Variants in CDH13 observed in about 807,000 individuals in gnomAD.
CDH13 encodes cadherin-13.
In CDH13, 24 loss-of-function variants were observed where a neutral mutation model predicts 63.8. The observed-to-expected ratio is 0.38, with a 90% CI of 0.27 to 0.53. The LOEUF is 0.53. Among genes scored for constraint, CDH13 ranks in the 20% least tolerant of loss-of-function variants. The probability of loss-of-function intolerance (pLI) is 0.85; values close to 1 mark genes in which losing one functional copy is unlikely to be tolerated. For missense variants in CDH13, 1,049 were observed against 903.1 expected (o/e 1.16, Z -2.07); for synonymous variants, 503 against 355.3 (o/e 1.42, Z -4.67).
intron 3 of CDH13, among the ~76,000 whole-genome samples, chr16:83,121,238 T>C (rs1233453108): frequency 6.6e-6 from 1 of 152,236 alleles, no homozygotes; most frequent in South Asian, 2.1e-4. Context: ...GTCTCTTTCA[T>C]TGAGATTTTA....
intron 1 of CDH13, among the ~76,000 whole-genome samples, chr16:82,751,198 G>A (rs891603376): frequency 2.0e-5 from 3 of 152,228 alleles, no homozygotes; most frequent in Admixed American, 6.5e-5. Context: ...TTACAGAGAA[G>A]GGCAGATTCA....
At chr16:83,169,043 A>C (rs1159658339) in intron 4 of CDH13, among the ~76,000 whole-genome samples, 2 of 152,156 alleles carry the variant, frequency 1.3e-5, no homozygotes, top group African/African-American at 4.8e-5. Context: ...TGAAATTTGT[A>C]TTGAATAACT....
intron 1 of CDH13, among the ~76,000 whole-genome samples, chr16:82,680,663 A>T (rs1376105394): frequency 6.6e-6 from 1 of 152,208 alleles, no homozygotes; most frequent in Non-Finnish European, 1.5e-5. Context: ...CACAAGCTGG[A>T]ATAATATGAA....
At chr16:82,947,625 A>G (rs1752515477) in intron 2 of CDH13, among the ~76,000 whole-genome samples, 2 of 152,204 alleles carry the variant, frequency 1.3e-5, no homozygotes, top group Admixed American at 1.3e-4. Flanking sequence ...AGGAAACTTA[A>G]CAAATTTAAT....
At chr16:82,833,653 G>T (rs1938363640) in intron 1 of CDH13, among the ~76,000 whole-genome samples, 2 of 152,132 alleles carry the variant, frequency 1.3e-5, no homozygotes, top group African/African-American at 4.8e-5. Flanking sequence ...ATCTGTCCAG[G>T]TAATAGCCTA....
intron 4 of CDH13, among the ~76,000 whole-genome samples, chr16:83,159,134 T>TTGG (rs2037339553): frequency 6.6e-6 from 1 of 152,090 alleles, no homozygotes; most frequent in Admixed American, 6.6e-5. Flanking sequence ...CGGTAAAAGT[T>TTGG]CCCATTTGCC....
chr16:83,064,049 A>G (rs2031801406), intron 3 of CDH13, among the ~76,000 whole-genome samples: 2 of 152,146 alleles, frequency 1.3e-5, no homozygotes, highest in Non-Finnish European at 2.9e-5. Context: ...TCAGAGCTAA[A>G]AATATACACT....
chr16:83,565,033 A>C (rs1213618821), intron 7 of CDH13, among the ~76,000 whole-genome samples: 1 of 152,118 alleles, frequency 6.6e-6, no homozygotes, highest in Non-Finnish European at 1.5e-5. Flanking sequence ...TTCTCATTTT[A>C]TCTCTTGCTC....
At chr16:83,422,294 T>G (rs1449779546) in intron 6 of CDH13, among the ~76,000 whole-genome samples, 1 of 152,188 alleles carries the variant, frequency 6.6e-6, no homozygotes, top group Non-Finnish European at 1.5e-5. Context: ...TCCAAAGAAT[T>G]ACACAGTCAT....
At chr16:83,006,485 T>G (rs1410350601) in intron 2 of CDH13, among the ~76,000 whole-genome samples, 1 of 152,062 alleles carries the variant, frequency 6.6e-6, no homozygotes, top group East Asian at 1.9e-4. Context: ...CTGAGGATGA[T>G]GGGGTGACTT....
chr16:83,055,542 G>A (rs1192164659), intron 3 of CDH13, among the ~76,000 whole-genome samples: 2 of 151,328 alleles, frequency 1.3e-5, no homozygotes, highest in Admixed American at 1.3e-4. Context: ...TAAAAAATCA[G>A]TGTACCAAAG....
At chr16:82,922,468 G>GC (rs1023853919) in intron 2 of CDH13, among the ~76,000 whole-genome samples, 23 of 152,224 alleles carry the variant, frequency 1.5e-4, no homozygotes, top group Admixed American at 1.2e-3. Flanking sequence ...GAGTGTTGTT[G>GC]CCCCCATCCT....
chr16:83,603,095 T>C (rs373134378), intron 8 of CDH13, among the ~76,000 whole-genome samples: 4 of 152,332 alleles, frequency 2.6e-5, no homozygotes, highest in African/African-American at 7.2e-5. Context: ...GTCCCTGTGC[T>C]TTTATGATTA....
At chr16:83,131,389 T>A (rs993679434) in intron 4 of CDH13, among the ~76,000 whole-genome samples, 10 of 152,194 alleles carry the variant, frequency 6.6e-5, no homozygotes, top group Admixed American at 6.5e-4. Context: ...TTCTTTCCAT[T>A]TTTGAACTCT....
At chr16:83,443,296 G>A (rs866735575) in intron 6 of CDH13, among the ~76,000 whole-genome samples, 17 of 152,140 alleles carry the variant, frequency 1.1e-4, no homozygotes, top group South Asian at 4.1e-4. Flanking sequence ...AGGCTGGGAG[G>A]CCCTTCCGCA....
chr16:83,661,157 A>G (rs758502452), intron 8 of CDH13, among the ~76,000 whole-genome samples: 13 of 152,144 alleles, frequency 8.5e-5, no homozygotes, highest in Non-Finnish European at 1.8e-4. Flanking sequence ...TATTTGAAGG[A>G]AAATGTTTGA....
At chr16:83,258,115 T>C (rs1223681511) in intron 5 of CDH13, among the ~76,000 whole-genome samples, 1 of 152,196 alleles carries the variant, frequency 6.6e-6, no homozygotes, top group African/African-American at 2.4e-5. Context: ...AATTAGTGGT[T>C]ATTTGGGGGC....
At chr16:82,981,877 C>T (rs182202276) in intron 2 of CDH13, among the ~76,000 whole-genome samples, 41 of 152,266 alleles carry the variant, frequency 2.7e-4, no homozygotes, top group African/African-American at 9.1e-4. Context: ...ATCTCTGCAG[C>T]TTCGAACACT....
chr16:83,602,693 C>T lies in CDH13; in HGVS notation c.1101+99C>T, dbSNP rs1027342047. ...CCACAGCACCTGCTGGCCCCCCTTT[C>T]AAAATCAAAATACTCCTTTGTGGGA... On this transcript the variant is annotated intron_variant, in intron 8 of 13. Coordinates refer to ENST00000567109, the MANE Select transcript of CDH13 (RefSeq NM_001257.5). The T allele has an allele frequency of 1.4e-5, 16 of 1,146,358 alleles. No individual in the cohort carries two copies. In the African/African-American group the frequency reaches 2.3e-4, roughly 16 times the overall value. 71.0% of individuals were successfully genotyped at this position (1,146,358 alleles called of 1,614,324 possible).
Sources: allele counts gnomAD v4.1 joint callset (sites outside exome capture counted in the v4.1 genomes callset), GRCh38; gene constraint gnomAD v4.1.1; transcripts MANE v1.5; gene names NCBI Gene and HGNC (gene_info 2026-07-23, HGNC 2026-07-21).